STX12: variants seen among roughly 807,000 people sequenced by gnomAD.
The protein encoded by STX12 is syntaxin-12.
A neutral mutation model predicts 42.2 loss-of-function variants in STX12; 17 were observed. The ratio of observed to expected loss-of-function variants is 0.40; its 90% CI spans 0.28 to 0.60. The LOEUF (loss-of-function observed/expected upper bound fraction) is 0.60, where lower values mean the gene tolerates loss of function less well. Among genes scored for constraint, STX12 ranks in the 20% least tolerant of loss-of-function variants. The pLI is 0.39. For synonymous variants in STX12, 108 were observed against 116.7 expected (o/e 0.93, Z 0.48); for missense variants, 297 against 330.9 (o/e 0.90, Z 0.79).
chr1:27,813,399 C>T (rs918235505), intron 6 of STX12, among the ~76,000 whole-genome samples: 6 of 152,088 alleles, frequency 3.9e-5, no homozygotes, highest in African/African-American at 1.4e-4. Context: ...TGGTCTTGAA[C>T]TTCTGACCTC....
intron 1 of STX12, among the ~76,000 whole-genome samples, chr1:27,783,658 A>G (rs987310912): frequency 6.6e-6 from 1 of 152,070 alleles, no homozygotes; most frequent in Non-Finnish European, 1.5e-5. Context: ...AAAAAGAACA[A>G]AATTGCTTAC....
chr1:27,786,564 T>C (rs1205557504), intron 1 of STX12, among the ~76,000 whole-genome samples: 2 of 152,186 alleles, frequency 1.3e-5, no homozygotes, highest in African/African-American at 2.4e-5. Context: ...CTACCTGATA[T>C]GTTTATTGTC....
At chr1:27,773,555 C>T in intron 1 of STX12, 130 bp downstream of exon 1, 1 of 794,166 alleles carries the variant, frequency 1.3e-6, no homozygotes, top group Non-Finnish European at 2.0e-6. Context: ...GCTGTCCACC[C>T]TGGGGGCGGT....
intron 4 of STX12, among the ~76,000 whole-genome samples, chr1:27,805,705 ACT>A (rs1391854875): frequency 6.6e-6 from 1 of 152,000 alleles, no homozygotes; most frequent in Non-Finnish European, 1.5e-5. Flanking sequence ...GTGGTGATGA[ACT>A]CTCTCAGCTT....
At chr1:27,812,365 A>G (rs1047689550) in intron 6 of STX12, 97 bp downstream of exon 6, 8 of 871,618 alleles carry the variant, frequency 9.2e-6, no homozygotes, top group Non-Finnish European at 1.4e-5. Flanking sequence ...ATGAAAAGGC[A>G]TAAAATGTGT....
intron 3 of STX12, among the ~76,000 whole-genome samples, chr1:27,798,952 TCA>T (rs2088808131): frequency 7.5e-6 from 1 of 134,152 alleles, no homozygotes; most frequent in Non-Finnish European, 1.6e-5. Flanking sequence ...AGACCCTGTC[TCA>T]AAAAAAAAAA....
chr1:27,803,454 A>G (rs1462357548), intron 4 of STX12, among the ~76,000 whole-genome samples: 1 of 152,214 alleles, frequency 6.6e-6, no homozygotes, highest in Non-Finnish European at 1.5e-5. Context: ...AGGATTCTAA[A>G]CCCAGTGAAA....
chr1:27,786,637 G>A (rs936538150), intron 1 of STX12, among the ~76,000 whole-genome samples: 1 of 152,098 alleles, frequency 6.6e-6, no homozygotes, highest in African/African-American at 2.4e-5. Context: ...ATAGTGTAGA[G>A]TAGATACTCT....
chr1:27,783,949 C>T lies in STX12; in HGVS notation c.119-5613C>T, dbSNP rs1358386758. On this transcript the variant is annotated intron_variant, in intron 1 of 8. Coordinates refer to ENST00000373943, the MANE Select transcript of STX12 (RefSeq NM_177424.3). ...ATCCCAGCACTTTGGGAGGCTGAGG[C>T]AGGCAGATCATCTGAGGTCGGGAGT... Among the ~76,000 whole-genome samples the T allele has an allele frequency of 6.6e-5, 10 of 152,084 alleles. No individual in the cohort carries two copies. In the East Asian group the frequency reaches 1.9e-3, roughly 29 times the overall value.
At chr1:27,794,629 TA>T (rs966626590) in intron 3 of STX12, among the ~76,000 whole-genome samples, 10 of 152,210 alleles carry the variant, frequency 6.6e-5, no homozygotes, top group African/African-American at 1.4e-4. Flanking sequence ...AGGTCTCCAG[TA>T]AAAAAAACTT....
intron 2 of STX12, among the ~76,000 whole-genome samples, chr1:27,791,226 A>C (rs2088738818): frequency 6.6e-6 from 1 of 152,100 alleles, no homozygotes. Flanking sequence ...GTGCCATTGC[A>C]CTCCAGCCTG....
rs2088892674 is a variant in STX12 at position 27,810,036 on chromosome 1, G to A, written c.427-210G>A. ...CTCCACCCTGTTCAGTATGGTTTCT[G>A]TTCAGGACTCAAACTGGAATGCAGA... On this transcript the variant is annotated intron_variant, in intron 4 of 8. Coordinates refer to ENST00000373943, the MANE Select transcript of STX12 (RefSeq NM_177424.3). 1.1e-4 allele frequency: 56 copies of A among 498,554 alleles called. No homozygotes were observed. In the South Asian group the frequency reaches 1.6e-3, roughly 14 times the overall value. The allele number at this position is 498,554 out of a possible 1,614,324, so 30.9% of individuals were successfully genotyped here. A position where few individuals can be genotyped will look rare whatever the true frequency, so the allele number is the denominator to read the frequency against.
At chr1:27,793,184 A>G (rs78644023) in intron 2 of STX12, among the ~76,000 whole-genome samples, 7 of 152,242 alleles carry the variant, frequency 4.6e-5, no homozygotes, top group Non-Finnish European at 1.0e-4. Context: ...AAGAGAGTTC[A>G]GTATGTTTAA....
At chr1:27,799,789 GT>G (rs1340446509) in intron 3 of STX12, among the ~76,000 whole-genome samples, 1 of 145,422 alleles carries the variant, frequency 6.9e-6, no homozygotes, top group African/African-American at 2.6e-5. Flanking sequence ...TTTCACATGT[GT>G]TGCCCAGGCT....
Position 27,822,462 on chromosome 1 carries a change from C to T in STX12, c.*133C>T. 1 of 615,104 alleles carries T rather than the reference C, an allele frequency of 1.6e-6. No homozygotes were observed. The highest frequency in any genetic ancestry group is 2.0e-5 in the South Asian group (1 of 49,288). The allele number at this position is 615,104 out of a possible 1,614,324, so 38.1% of individuals were successfully genotyped here. On this transcript the variant is annotated 3_prime_UTR_variant, in exon 9 of 9. Coordinates refer to ENST00000373943, the MANE Select transcript of STX12 (RefSeq NM_177424.3). ...TAATCATTTAGTTAGAAACTAACTA[C>T]TAACTAGTCTTTGGAATTCGTGACC...
intron 7 of STX12, chr1:27,818,163 A>ACC: frequency 2.4e-6 from 1 of 416,932 alleles, no homozygotes; most frequent in Non-Finnish European, 4.4e-6. Context: ...CGGGCAGATC[A>ACC]TGAGGTCAGG....
At chr1:27,780,257 T>C (rs2088659309) in intron 1 of STX12, among the ~76,000 whole-genome samples, 1 of 147,472 alleles carries the variant, frequency 6.8e-6, no homozygotes, top group Non-Finnish European at 1.5e-5. Context: ...TTTCCCAGGC[T>C]GGAGTGCAGT....
intron 7 of STX12, among the ~76,000 whole-genome samples, chr1:27,819,390 T>A (rs988896881): frequency 1.3e-5 from 2 of 152,194 alleles, no homozygotes; most frequent in Non-Finnish European, 2.9e-5. Flanking sequence ...TATGTATTCT[T>A]TCTCTCTTTC....
intron 3 of STX12, among the ~76,000 whole-genome samples, chr1:27,800,987 C>T (rs2088823893): frequency 6.6e-6 from 1 of 152,202 alleles, no homozygotes; most frequent in Non-Finnish European, 1.5e-5. Flanking sequence ...AGGGTTTTAA[C>T]ATTTTAGCTA....
Sources: gnomAD v4.1 joint callset for allele counts (sites outside exome capture counted in the v4.1 genomes callset) on GRCh38, gnomAD v4.1.1 for gene constraint, MANE v1.5 for transcripts, NCBI Gene and HGNC (gene_info 2026-07-23, HGNC 2026-07-21) for gene names.